The following FSTL5 variants were observed in gnomAD, a reference collection of about 807,000 sequenced individuals.
The protein encoded by FSTL5 is follistatin like 5, also known as follistatin-related protein 5.
A neutral mutation model predicts 89.1 loss-of-function variants in FSTL5; 62 were observed. The observed-to-expected ratio is 0.70, with a 90% confidence interval of 0.57 to 0.86. The LOEUF (loss-of-function observed/expected upper bound fraction) is 0.86, where lower values mean the gene tolerates loss of function less well. FSTL5 is among the 40% of genes least tolerant of loss of function. FSTL5 has a pLI of 0.00. For missense variants in FSTL5, 1,057 were observed against 1,001.6 expected (o/e 1.06, Z -0.75); for synonymous variants, 383 against 346.2 (o/e 1.11, Z -1.18).
chr4:161,694,968 T>A (rs1738087577), intron 6 of FSTL5, among the ~76,000 whole-genome samples: 1 of 151,650 alleles, frequency 6.6e-6, no homozygotes, highest in East Asian at 1.9e-4. Flanking sequence ...AATGCATGGC[T>A]CCTATTAAAA....
intron 3 of FSTL5, among the ~76,000 whole-genome samples, chr4:162,018,273 T>C (rs997042912): frequency 6.6e-6 from 1 of 152,168 alleles, no homozygotes; most frequent in African/African-American, 2.4e-5. Context: ...TACTCTTGGT[T>C]CAGGACTTAC....
chr4:161,977,418 C>A (rs1210188095), intron 3 of FSTL5, among the ~76,000 whole-genome samples: 1 of 151,628 alleles, frequency 6.6e-6, no homozygotes, highest in Non-Finnish European at 1.5e-5. Flanking sequence ...CGAGACCATC[C>A]TGCCTAACAC....
At chr4:161,638,107 T>G (rs1165041674) in intron 7 of FSTL5, among the ~76,000 whole-genome samples, 2 of 142,502 alleles carry the variant, frequency 1.4e-5, no homozygotes, top group African/African-American at 5.1e-5. Flanking sequence ...CATGGAATGT[T>G]CTTCCATTTG....
chr4:162,077,695 T>C (rs1188245248), intron 2 of FSTL5, among the ~76,000 whole-genome samples: 1 of 151,838 alleles, frequency 6.6e-6, no homozygotes, highest in Non-Finnish European at 1.5e-5. Context: ...AACTTTAGAT[T>C]AGACCATAGT....
chr4:162,064,480 T>G lies in FSTL5; in HGVS notation c.127-30822A>C, dbSNP rs555109742. 2.0e-5 allele frequency among the ~76,000 whole-genome samples: 3 copies of G among 152,112 alleles called. 1 individual carries two copies. Among genetic ancestry groups the G allele is most frequent in the Admixed American group, 2.0e-4 (3 of 15,234 alleles). ...GACCTCATCCAAATAATTGAAGACA[T>G]GAATGGAAGAAAAAAGGTAAAAAGT... On this transcript the variant is annotated intron_variant, in intron 2 of 15. Coordinates refer to ENST00000306100, the MANE Select transcript of FSTL5 (RefSeq NM_020116.5).
At chr4:161,593,402 C>T (rs1470152794) in intron 7 of FSTL5, among the ~76,000 whole-genome samples, 1 of 151,960 alleles carries the variant, frequency 6.6e-6, no homozygotes, top group African/African-American at 2.4e-5. Context: ...AACTGATACC[C>T]ACTACGGATT....
At chr4:161,573,039 A>ATC (rs1259722307) in intron 8 of FSTL5, among the ~76,000 whole-genome samples, 5 of 152,332 alleles carry the variant, frequency 3.3e-5, no homozygotes, top group Middle Eastern at 3.4e-3. Flanking sequence ...GCCCTTATAG[A>ATC]TGGTCAAAGG....
At chr4:161,494,903 T>A (rs1166881005) in intron 12 of FSTL5, among the ~76,000 whole-genome samples, 1 of 151,986 alleles carries the variant, frequency 6.6e-6, no homozygotes, top group East Asian at 1.9e-4. Flanking sequence ...CTACAAAAAA[T>A]TGAAAAAAAT....
At chr4:161,532,329 T>G (rs1256510924) in intron 10 of FSTL5, among the ~76,000 whole-genome samples, 1 of 152,312 alleles carries the variant, frequency 6.6e-6, no homozygotes, top group East Asian at 1.9e-4. Context: ...TATTAGTATT[T>G]ATTTCATATT....
chr4:162,015,508 C>T (rs193238243), intron 3 of FSTL5, among the ~76,000 whole-genome samples: 18 of 152,310 alleles, frequency 1.2e-4, no homozygotes, highest in Admixed American at 7.2e-4. Context: ...ACGCTGCCCA[C>T]TAAAGCACAG....
At chr4:161,538,014 T>A in intron 10 of FSTL5, 152 bp downstream of exon 10, 1 of 705,756 alleles carries the variant, frequency 1.4e-6, no homozygotes, top group Non-Finnish European at 2.3e-6. Context: ...CTTTTAGTAT[T>A]TCAAGATTTC....
chr4:161,493,775 A>G (rs1421313349), intron 12 of FSTL5, among the ~76,000 whole-genome samples: 9 of 152,104 alleles, frequency 5.9e-5, no homozygotes, highest in Non-Finnish European at 1.3e-4. Context: ...TCATATAAAA[A>G]TGTTGTCGAT....
At chr4:161,458,934 T>G (rs567917250) in intron 14 of FSTL5, among the ~76,000 whole-genome samples, 2 of 152,322 alleles carry the variant, frequency 1.3e-5, no homozygotes, top group Non-Finnish European at 2.9e-5. Flanking sequence ...AAAAAGTAAA[T>G]TATGACTTTC....
At chr4:162,163,315 T>C (rs1215289217) in intron 1 of FSTL5, among the ~76,000 whole-genome samples, 2 of 151,846 alleles carry the variant, frequency 1.3e-5, no homozygotes. Context: ...CTGCTGAAAG[T>C]ATTGCTCTAA....
chr4:162,039,730 A>G (rs1364322787), intron 2 of FSTL5, among the ~76,000 whole-genome samples: 1 of 152,020 alleles, frequency 6.6e-6, no homozygotes, highest in Non-Finnish European at 1.5e-5. Context: ...GAAGACTTTC[A>G]CTGGTATATC....
rs538305264 is a variant in FSTL5, at chr4:161,811,465, T to C, written c.410-35391A>G. Among the ~76,000 whole-genome samples the C allele has an allele frequency of 7.2e-5, 11 of 152,234 alleles. 1 individual carries two copies. The South Asian group carries it at 2.3e-3, about 32-fold the overall frequency. The stretch of plus-strand genomic sequence containing the variant: ...AATGGACCTTCTACACACATCAAAA[T>C]TGAATCTAAATTTCCCTCACTAACC... On this transcript the variant is annotated intron_variant, in intron 4 of 15. Transcript: ENST00000306100.
chr4:161,536,317 C>A (rs1036822938), intron 10 of FSTL5, among the ~76,000 whole-genome samples: 3 of 152,098 alleles, frequency 2.0e-5, no homozygotes, highest in Non-Finnish European at 4.4e-5. Flanking sequence ...CCATGTATAT[C>A]TAATATCAGT....
At chr4:161,972,004 G>A (rs1177314971) in intron 3 of FSTL5, among the ~76,000 whole-genome samples, 1 of 152,106 alleles carries the variant, frequency 6.6e-6, no homozygotes, top group Non-Finnish European at 1.5e-5. Context: ...GGTCTTTAAT[G>A]ATTGCTACCT....
chr4:161,867,910 G>A (rs970503796), intron 4 of FSTL5, among the ~76,000 whole-genome samples: 4 of 151,724 alleles, frequency 2.6e-5, no homozygotes, highest in African/African-American at 7.3e-5. Context: ...AATTCAATTA[G>A]GTCAATTTAA....
Sources: allele counts gnomAD v4.1 joint callset (sites outside exome capture counted in the v4.1 genomes callset), GRCh38; gene constraint gnomAD v4.1.1; transcripts MANE v1.5; gene names NCBI Gene and HGNC (gene_info 2026-07-23, HGNC 2026-07-21).